Variants in CDH18 observed in about 807,000 individuals in gnomAD.
CDH18 encodes the protein cadherin-18.
A neutral mutation model predicts 67.9 loss-of-function variants in CDH18; 31 were observed. The observed-to-expected ratio is 0.46, with a 90% CI of 0.34 to 0.62. The LOEUF (loss-of-function observed/expected upper bound fraction) is 0.62, where lower values mean the gene tolerates loss of function less well. Among genes scored for constraint, CDH18 ranks in the 20% least tolerant of loss-of-function variants. CDH18 has a pLI of 0.01. For synonymous variants in CDH18, 362 were observed against 347.2 expected, an observed-to-expected ratio of 1.04 and a Z score of -0.48; for missense variants, 890 against 975.5, an observed-to-expected ratio of 0.91 and a Z score of 1.17.
At chr5:20,431,487 CAAAA>C (rs560015111) in intron 1 of CDH18, among the ~76,000 whole-genome samples, 2 of 66,240 alleles carry the variant, frequency 3.0e-5, no homozygotes, top group African/African-American at 1.2e-4. Context: ...GAGTGAAACT[CAAAA>C]AAAAAAAAAA....
chr5:19,755,100 A>C (rs1771351608), intron 3 of CDH18, among the ~76,000 whole-genome samples: 1 of 151,998 alleles, frequency 6.6e-6, no homozygotes, highest in South Asian at 2.1e-4. Context: ...GCCTTAAGGA[A>C]CTAGAGGAAC....
At chr5:20,116,019 G>T (rs1747879108) in intron 2 of CDH18, among the ~76,000 whole-genome samples, 1 of 152,064 alleles carries the variant, frequency 6.6e-6, no homozygotes. Flanking sequence ...TAAAGTAATG[G>T]CAAAACTGCA....
chr5:19,505,413 C>T (rs1481174104), intron 10 of CDH18, among the ~76,000 whole-genome samples: 1 of 152,110 alleles, frequency 6.6e-6, no homozygotes, highest in East Asian at 1.9e-4. Flanking sequence ...AAAGGGAATG[C>T]TTCCAGTTTT....
At chr5:20,343,311 T>C (rs996824309) in intron 1 of CDH18, among the ~76,000 whole-genome samples, 15 of 152,000 alleles carry the variant, frequency 9.9e-5, no homozygotes, top group Admixed American at 7.2e-4. Context: ...ACAGAAAACT[T>C]ATAGGTTGAA....
intron 2 of CDH18, among the ~76,000 whole-genome samples, chr5:20,024,917 G>C (rs1580065445): frequency 6.6e-6 from 1 of 152,076 alleles, no homozygotes; most frequent in Non-Finnish European, 1.5e-5. Flanking sequence ...GTAAGTGAGT[G>C]AAGAGACAGC....
intron 2 of CDH18, among the ~76,000 whole-genome samples, chr5:20,200,153 A>T (rs1269382243): frequency 6.6e-6 from 1 of 152,196 alleles, no homozygotes; most frequent in African/African-American, 2.4e-5. Context: ...GACTCTTTTG[A>T]ATTTAGTTAG....
intron 5 of CDH18, among the ~76,000 whole-genome samples, chr5:19,680,577 C>A (rs1760147782): frequency 6.6e-6 from 1 of 151,696 alleles, no homozygotes; most frequent in Non-Finnish European, 1.5e-5. Flanking sequence ...GCAAAAAACA[C>A]ACAAACCCTA....
At chr5:20,398,032 G>T (rs1241171991) in intron 1 of CDH18, among the ~76,000 whole-genome samples, 14 of 152,060 alleles carry the variant, frequency 9.2e-5, no homozygotes, top group Admixed American at 9.2e-4. Flanking sequence ...CATTTTAGCT[G>T]TTCAATTGAC....
At chr5:19,616,467 T>C (rs1346399642) in intron 5 of CDH18, among the ~76,000 whole-genome samples, 1 of 152,182 alleles carries the variant, frequency 6.6e-6, no homozygotes, top group African/African-American at 2.4e-5. Flanking sequence ...CAGATTACCT[T>C]GTCCTAGCTT....
intron 5 of CDH18, among the ~76,000 whole-genome samples, chr5:19,710,392 T>C (rs966748781): frequency 6.6e-6 from 1 of 152,156 alleles, no homozygotes; most frequent in East Asian, 1.9e-4. Flanking sequence ...GATACAAAAA[T>C]GAGTAATGCA....
At chr5:19,973,730 C>A (rs370913798) in intron 2 of CDH18, among the ~76,000 whole-genome samples, 1 of 152,076 alleles carries the variant, frequency 6.6e-6, no homozygotes, top group South Asian at 2.1e-4. Flanking sequence ...CAAGCCAGTT[C>A]AACTGCTTAG....
chr5:20,222,262 A>T (rs140757482), intron 2 of CDH18, among the ~76,000 whole-genome samples: 115 of 152,276 alleles, frequency 7.6e-4, no homozygotes, highest in African/African-American at 2.7e-3. Context: ...TTAAACAAAA[A>T]TTTTATTTAC....
chr5:19,750,092 C>A (rs1770636205), intron 3 of CDH18, among the ~76,000 whole-genome samples: 1 of 151,904 alleles, frequency 6.6e-6, no homozygotes, highest in Non-Finnish European at 1.5e-5. Context: ...GTTTCTTGGC[C>A]AGCTTGGTTA....
intron 5 of CDH18, among the ~76,000 whole-genome samples, chr5:19,691,176 CAGAG>C (rs3062938): frequency 1.3e-5 from 2 of 151,322 alleles, no homozygotes; most frequent in South Asian, 2.1e-4. Context: ...AGGACAAAAA[CAGAG>C]AGTCACATAA....
chr5:19,688,457 TG>T (rs746094687), intron 5 of CDH18, among the ~76,000 whole-genome samples: 3 of 152,136 alleles, frequency 2.0e-5, no homozygotes, highest in African/African-American at 4.8e-5. Context: ...AGAAGGCATA[TG>T]AAGACTATAC....
At chr5:20,261,710 G>A (rs28609867) in intron 1 of CDH18, among the ~76,000 whole-genome samples, 2,217 of 151,914 alleles carry the variant, frequency 0.015, 53 homozygotes, top group African/African-American at 0.051. Context: ...CAGCCTGGGC[G>A]ACAGAGCGAG....
chr5:20,570,701 T>C (rs1758766673), intron 1 of CDH18, among the ~76,000 whole-genome samples: 1 of 152,160 alleles, frequency 6.6e-6, no homozygotes, highest in Admixed American at 6.5e-5. Context: ...GGCTCAAGGA[T>C]GAAGGTACAT....
rs77353447 is a variant in CDH18, at chr5:19,793,768, A to T, written c.228+44991T>A. On this transcript the variant is annotated intron_variant, in intron 3 of 12. Transcript: ENST00000382275. ...CTGTACTCCTGAAAGGTAAGAGAGG[A>T]TCTGAGAATAAGGGGTTATGGAAGG... Among the ~76,000 whole-genome samples, 70 of 152,218 alleles carry T rather than the reference A, an allele frequency of 4.6e-4. 1 individual carries two copies. In the East Asian group the frequency reaches 0.013, roughly 27 times the overall value.
At chr5:19,935,722 A>G (rs959481852) in intron 2 of CDH18, among the ~76,000 whole-genome samples, 5 of 134,430 alleles carry the variant, frequency 3.7e-5, no homozygotes, top group African/African-American at 1.4e-4. Context: ...TTTTTTTTTT[A>G]CTGTGGAAAA....
Sources: allele counts gnomAD v4.1 joint callset (sites outside exome capture counted in the v4.1 genomes callset), GRCh38; gene constraint gnomAD v4.1.1; transcripts MANE v1.5; gene names NCBI Gene and HGNC (gene_info 2026-07-23, HGNC 2026-07-21).